Variants in OR51F1 observed in about 807,000 individuals in gnomAD.
OR51F1 encodes the protein olfactory receptor family 51 subfamily F member 1.
For missense variants in OR51F1, 438 were observed against 385.4 expected (o/e 1.14, Z -1.14); for synonymous variants, 142 against 143.5 (o/e 0.99, Z 0.08).
At position 4,769,221 on chromosome 11, in the gene OR51F1, G is replaced by C. The variant is rs765562992; in HGVS notation, c.718C>G (p.Pro240Ala). Reference sequence around the variant, plus strand: ...CTGAAGACCTTGTGCCATTCTTCAGGGGAGGCAATTCTGAGGACAGAGTGA... The same window carrying C: ...CTGAAGACCTTGTGCCATTCTTCAGCGGAGGCAATTCTGAGGACAGAGTGA... ...IIHSVLRIASPEEWHKVFSTC... is the reference protein window; with the variant it reads ...IIHSVLRIASAEEWHKVFSTC... The change falls in exon 1 of 1, where the codon CCT (proline) becomes GCT (alanine). Residue 240 changes from proline to alanine, a missense_variant. Transcript: ENST00000624103. 1 of 1,613,600 alleles carries C rather than the reference G, an allele frequency of 6.2e-7. No homozygotes were observed. The highest frequency in any genetic ancestry group is 1.3e-5 in the African/African-American group (1 of 74,880).
In OR51F1 at chr11:4,769,269, C is replaced by A; in HGVS notation, c.670G>T (p.Val224Phe). Residue 224 changes from valine to phenylalanine, a missense_variant, in exon 1 of 1, where the codon GTC becomes TTC. Transcript: ENST00000624103. The stretch of plus-strand genomic sequence containing the variant: ...TGAATAATTAAGATATATGACAGGA[C>A]AATGCATGGTGTATCTATTCCAGTG... ...LTTGIDTPCI[V>F]LSYILIIHSV... The A allele has an allele frequency of 6.2e-7, 1 of 1,613,746 alleles. No individual in the cohort carries two copies. The highest frequency in any genetic ancestry group is 8.5e-7 in the Non-Finnish European group (1 of 1,179,660).
chr11:4,769,571 A>C lies in OR51F1; in HGVS notation c.368T>G (p.Val123Gly), dbSNP rs1282359330. Residue 123 changes from valine (V) to glycine (G), a missense_variant, in exon 1 of 1, where the codon GTG becomes GGG. Transcript: ENST00000624103. ...ACGGTCAAAGGCTGTAGCCACCAGC[A>C]CTCCAGATTCCATAAAAGTGAATCC... is the stretch of plus-strand genomic sequence containing the variant. ...LHGFTFMESG[V>G]LVATAFDRYV... 1.2e-5 allele frequency: 19 copies of C among 1,613,138 alleles called. No individual in the cohort carries two copies. The highest frequency in any genetic ancestry group is 1.5e-5 in the Non-Finnish European group (18 of 1,179,184).
In OR51F1 at chr11:4,769,829, G is replaced by A; in HGVS notation, c.110C>T (p.Ser37Phe). The A allele has an allele frequency of 1.2e-6, 2 of 1,612,992 alleles. No homozygotes were observed. Among genetic ancestry groups the A allele is most frequent in the Non-Finnish European group, 1.7e-6 (2 of 1,179,002 alleles). Residue 37 changes from serine (S) to phenylalanine (F), a missense_variant, in exon 1 of 1, where the codon TCC (serine) becomes TTC (phenylalanine). By Grantham distance (155) the Ser-to-Phe change is radical (BLOSUM62 -2). Coordinates refer to ENST00000624103, the MANE Select transcript of OR51F1 (RefSeq NM_001004752.2). ...PGLESAHVWI[S>F]IPFCCFYAIA... Reference sequence around the variant, plus strand: ...GGCATAAAAACAACAGAAAGGAATGGAGATCCAGACATGGGCAGACTCTAG... The same window carrying A: ...GGCATAAAAACAACAGAAAGGAATGAAGATCCAGACATGGGCAGACTCTAG...
Position 4,769,815 on chromosome 11 carries a change from A to T in OR51F1, c.124T>A (p.Cys42Ser). ...AHVWISIPFC[C>S]FYAIALSGNS... ...CCAGAGAGGGCAATGGCATAAAAAC[A>T]ACAGAAAGGAATGGAGATCCAGACA... Residue 42 changes from cysteine to serine, a missense_variant, in exon 1 of 1, where the codon TGT (cysteine) becomes AGT (serine). Physicochemically the swap from Cys to Ser is moderately radical, Grantham distance 112 (BLOSUM62 -1). Transcript: ENST00000624103. The T allele has an allele frequency of 6.2e-7, 1 of 1,613,024 alleles. No individual in the cohort carries two copies. Among genetic ancestry groups the T allele is most frequent in the Non-Finnish European group, 8.5e-7 (1 of 1,178,978 alleles).
rs11033801 is a variant in OR51F1 at position 4,769,721 on chromosome 11, A to G, written c.218T>C (p.Phe73Ser). The G allele has an allele frequency of 0.23, 376,591 of 1,609,548 alleles. 49,134 individuals are homozygous for G. The highest frequency in any genetic ancestry group is 0.44 in the African/African-American group (33,009 of 74,728). The change falls in exon 1 of 1, where the codon TTC (phenylalanine) becomes TCC (serine). Residue 73 changes from phenylalanine to serine, a missense_variant. Transcript: ENST00000624103. ...GCCCAGATCAGTGGCTGATAGCCTG[A>G]AGAGGAAATAATACATGGGTTCATG... is the stretch of plus-strand genomic sequence containing the variant. ...SLHEPMYYFL[F>S]RLSATDLGLT...
chr11:4,769,038 C>T lies in OR51F1; in HGVS notation c.901G>A (p.Asp301Asn), dbSNP rs1030726. The T allele has an allele frequency of 8.5e-6, 13 of 1,536,928 alleles. No individual in the cohort carries two copies. The highest frequency in any genetic ancestry group is 5.5e-5 in the African/African-American group (4 of 72,372). The change falls in exon 1 of 1, where the codon GAC becomes AAC. Residue 301 changes from aspartate to asparagine, a missense_variant. Coordinates refer to ENST00000624103, the MANE Select transcript of OR51F1 (RefSeq NM_001004752.2). ...LLPPVLNPII[D>N]SVKTKQIRKA... Reference sequence around the variant, plus strand: ...CGGATTTGTTTTGTTTTTACACTGTCGATGATGGGGTTGAGCACAGGGGGT... The same window carrying T: ...CGGATTTGTTTTGTTTTTACACTGTTGATGATGGGGTTGAGCACAGGGGGT...
At position 4,769,643 on chromosome 11, in the gene OR51F1, CG is replaced by C. The variant is rs34672924; in HGVS notation, c.295del (p.Arg99ValfsTer41). The C allele has an allele frequency of 0.23, 376,108 of 1,603,756 alleles. 49,713 individuals carry two copies. Among genetic ancestry groups the C allele is most frequent in the African/African-American group, 0.44 (32,949 of 74,506 alleles). ...TTLGILWFEAREISLYSCIVQ... is the reference protein window; with the variant it reads ...TTLGILWFEAXEISLYSCIVQ... ...AATGCAGCTATATAGACTGATTTCA[CG>C]TGCCTCAAACCAGAGGATACCTAAT... is the stretch of plus-strand genomic sequence containing the variant. On this transcript the variant is annotated frameshift_variant, in exon 1 of 1. Coordinates refer to ENST00000624103, the MANE Select transcript of OR51F1 (RefSeq NM_001004752.2). LOFTEE classifies it low-confidence loss of function (END_TRUNC).
Position 4,769,656 on chromosome 11 carries a change from A to G in OR51F1, c.283T>C (p.Trp95Arg). 1 of 1,613,138 alleles carries G rather than the reference A, an allele frequency of 6.2e-7. No homozygotes were observed. The highest frequency in any genetic ancestry group is 8.5e-7 in the Non-Finnish European group (1 of 1,179,098). Residue 95 changes from tryptophan (W) to arginine (R), a missense_variant, in exon 1 of 1, where the codon TGG becomes CGG. Physicochemically the swap from Trp to Arg is moderately radical, Grantham distance 101. Coordinates refer to ENST00000624103, the MANE Select transcript of OR51F1 (RefSeq NM_001004752.2). ...AGACTGATTTCACGTGCCTCAAACC[A>G]GAGGATACCTAATGTTGTTGACAAT... Reference protein sequence around the residue: ...SSLSTTLGILWFEAREISLYS... With the variant: ...SSLSTTLGILRFEAREISLYS...
rs1186638310 is a variant in OR51F1 at position 4,769,150 on chromosome 11, G to A, written c.789C>T (p.His263=). Residue 263 remains histidine, a synonymous_variant, in exon 1 of 1, where the codon CAC becomes CAT. Coordinates refer to ENST00000624103, the MANE Select transcript of OR51F1 (RefSeq NM_001004752.2). ...GATACACCAAGGACAGGCTCAGCAT[G>A]TGGATGTAGAAGAAAGCAACTGCTC... is the stretch of plus-strand genomic sequence containing the variant. ...HVGAVAFFYI[H]MLSLSLVYRY... 2.5e-6 allele frequency: 4 copies of A among 1,613,412 alleles called. No homozygotes were observed. The Admixed American group carries it at 5.0e-5, about 20-fold the overall frequency.
In OR51F1 at chr11:4,769,219, A is replaced by C; in HGVS notation, c.720T>G (p.Pro240=). ...TGCTGAAGACCTTGTGCCATTCTTC[A>C]GGGGAGGCAATTCTGAGGACAGAGT... ...IIHSVLRIAS[P]EEWHKVFSTC... Residue 240 remains proline (P), a synonymous_variant, in exon 1 of 1, where the codon CCT becomes CCG. Coordinates refer to ENST00000624103, the MANE Select transcript of OR51F1 (RefSeq NM_001004752.2). The C allele has an allele frequency of 6.2e-7, 1 of 1,613,898 alleles. No individual in the cohort carries two copies. Among genetic ancestry groups the C allele is most frequent in the Non-Finnish European group, 8.5e-7 (1 of 1,179,746 alleles).
In OR51F1 at chr11:4,769,270, A is replaced by G; in HGVS notation, c.669T>C (p.Ile223=). 2 of 1,613,712 alleles carry G rather than the reference A, an allele frequency of 1.2e-6. No homozygotes were observed. The highest frequency in any genetic ancestry group is 1.7e-6 in the Non-Finnish European group (2 of 1,179,602). Residue 223 remains isoleucine (I), a synonymous_variant, in exon 1 of 1, where the codon ATT becomes ATC. Coordinates refer to ENST00000624103, the MANE Select transcript of OR51F1 (RefSeq NM_001004752.2). ...GAATAATTAAGATATATGACAGGAC[A>G]ATGCATGGTGTATCTATTCCAGTGG... ...ILTTGIDTPC[I]VLSYILIIHS...
chr11:4,769,059 G>C lies in OR51F1; in HGVS notation c.880C>G (p.Pro294Ala), dbSNP rs139690464. ...CTGTCGATGATGGGGTTGAGCACAG[G>C]GGGTAAAAGCAGGTATACATTAGCC... ...VMANVYLLLP[P>A]VLNPIIDSVK... Residue 294 changes from proline to alanine, a missense_variant, in exon 1 of 1, where the codon CCT (proline) becomes GCT (alanine). Coordinates refer to ENST00000624103, the MANE Select transcript of OR51F1 (RefSeq NM_001004752.2). 3.7e-5 allele frequency: 58 copies of C among 1,556,206 alleles called. No individual in the cohort carries two copies. The African/African-American group carries it at 6.0e-4, about 16-fold the overall frequency.
Position 4,769,028 on chromosome 11 carries a change from T to C in OR51F1, c.911A>G (p.Lys304Arg). 1 of 1,527,608 alleles carries C rather than the reference T, an allele frequency of 6.5e-7. No homozygotes were observed. The highest frequency in any genetic ancestry group is 8.8e-7 in the Non-Finnish European group (1 of 1,138,662). The allele number at this position is 1,527,608 out of a possible 1,614,324, so 94.6% of individuals were successfully genotyped here. Reference sequence around the variant, plus strand: ...CATAGCCTTGCGGATTTGTTTTGTTTTTACACTGTCGATGATGGGGTTGAG... The same window carrying C: ...CATAGCCTTGCGGATTTGTTTTGTTCTTACACTGTCGATGATGGGGTTGAG... ...PVLNPIIDSV[K>R]TKQIRKAMLS... The change falls in exon 1 of 1, where the codon AAA (lysine) becomes AGA (arginine). Residue 304 changes from lysine to arginine, a missense_variant. By Grantham distance (26) the Lys-to-Arg change is conservative (BLOSUM62 2). Transcript: ENST00000624103.
In OR51F1 at chr11:4,769,595, C is replaced by T. The variant is rs564868411; in HGVS notation, c.344G>A (p.Gly115Glu). 6.2e-7 allele frequency: 1 copy of T among 1,613,302 alleles called. No homozygotes were observed. Among genetic ancestry groups the T allele is most frequent in the South Asian group, 1.1e-5 (1 of 91,060 alleles). ...CACTCCAGATTCCATAAAAGTGAAT[C>T]CATGAAGAAAAAACATCTGGACAAT... ...SCIVQMFFLH[G>E]FTFMESGVLV... Residue 115 changes from glycine (G) to glutamate (E), a missense_variant, in exon 1 of 1, where the codon GGA becomes GAA. Gly to Glu is a moderately conservative substitution (Grantham distance 98, BLOSUM62 -2). Coordinates refer to ENST00000624103, the MANE Select transcript of OR51F1 (RefSeq NM_001004752.2).
chr11:4,769,078 A>T lies in OR51F1; in HGVS notation c.861T>A (p.Asn287Lys). Residue 287 changes from asparagine to lysine, a missense_variant, in exon 1 of 1, where the codon AAT (asparagine) becomes AAA (lysine). Asn to Lys is a moderately conservative substitution (Grantham distance 94). Transcript: ENST00000624103. ...APRVVHSVMANVYLLLPPVLN... is the reference protein window; with the variant it reads ...APRVVHSVMAKVYLLLPPVLN... ...GCACAGGGGGTAAAAGCAGGTATACATTAGCCATCACTGAATGGACTACTC... is the reference window on the plus strand; with the variant it reads ...GCACAGGGGGTAAAAGCAGGTATACTTTAGCCATCACTGAATGGACTACTC... 1 of 1,576,756 alleles carries T rather than the reference A, an allele frequency of 6.3e-7. No individual in the cohort carries two copies. The highest frequency in any genetic ancestry group is 8.6e-7 in the Non-Finnish European group (1 of 1,160,700).
rs12792898 is a variant in OR51F1, at chr11:4,769,252, T to C, written c.687A>G (p.Leu229=). Residue 229 remains leucine (L), a synonymous_variant, in exon 1 of 1, where the codon TTA becomes TTG. Transcript: ENST00000624103. ...DTPCIVLSYI[L]IIHSVLRIAS... ...CAATTCTGAGGACAGAGTGAATAAT[T>C]AAGATATATGACAGGACAATGCATG... 0.11 allele frequency: 181,124 copies of C among 1,612,142 alleles called. 11,600 individuals are homozygous for C. Among genetic ancestry groups the C allele is most frequent in the Middle Eastern group, 0.13 (801 of 6,056 alleles).
rs973434269 is a variant in OR51F1 at position 4,769,272 on chromosome 11, T to C, written c.667A>G (p.Ile223Val). 5 of 1,613,652 alleles carry C rather than the reference T, an allele frequency of 3.1e-6. No individual in the cohort carries two copies. The highest frequency in any genetic ancestry group is 3.3e-5 in the Admixed American group (2 of 60,006). Residue 223 changes from isoleucine (I) to valine (V), a missense_variant, in exon 1 of 1, where the codon ATT becomes GTT. Transcript: ENST00000624103. ...ATAATTAAGATATATGACAGGACAA[T>C]GCATGGTGTATCTATTCCAGTGGTC... is the stretch of plus-strand genomic sequence containing the variant. The part of the protein sequence containing the change: ...ILTTGIDTPC[I>V]VLSYILIIHS...
chr11:4,769,785 T>G lies in OR51F1; in HGVS notation c.154A>C (p.Ser52Arg), dbSNP rs781512231. ...CFYAIALSGNSVILFVIITQQ... is the reference protein window; with the variant it reads ...CFYAIALSGNRVILFVIITQQ... ...GTAATGATGACAAACAGGATCACGC[T>G]GTTCCCAGAGAGGGCAATGGCATAA... The change falls in exon 1 of 1, where the codon AGC (serine) becomes CGC (arginine). Residue 52 changes from serine (S) to arginine (R), a missense_variant. Ser to Arg is a moderately radical substitution (Grantham distance 110). Coordinates refer to ENST00000624103, the MANE Select transcript of OR51F1 (RefSeq NM_001004752.2). 2 of 1,613,774 alleles carry G rather than the reference T, an allele frequency of 1.2e-6. No homozygotes were observed. The highest frequency in any genetic ancestry group is 1.7e-6 in the Non-Finnish European group (2 of 1,179,744).
rs145202384 is a variant in OR51F1 at position 4,769,460 on chromosome 11, C to T, written c.479G>A (p.Arg160His). ...TAGTGGCAATATTAGTACTATAGCA[C>T]GTGTAATCATCAGAAGACCCATTTG... ...IIQMGLLMIT[R>H]AIVLILPLLL... The change falls in exon 1 of 1, where the codon CGT (arginine) becomes CAT (histidine). Residue 160 changes from arginine to histidine, a missense_variant. Physicochemically the swap from Arg to His is conservative, Grantham distance 29. Transcript: ENST00000624103. The T allele has an allele frequency of 2.3e-5, 37 of 1,612,754 alleles. No homozygotes were observed. The highest frequency in any genetic ancestry group is 1.6e-4 in the Middle Eastern group (1 of 6,062).
Sources: gnomAD v4.1 joint callset for allele counts on GRCh38, gnomAD v4.1.1 for gene constraint, MANE v1.5 for transcripts, NCBI Gene and HGNC (gene_info 2026-07-23, HGNC 2026-07-21) for gene names.